Variants in CRLF1 observed in about 807,000 individuals in gnomAD.
The protein encoded by CRLF1 is cytokine receptor like factor 1, also known as cytokine receptor-like factor 1.
Under a neutral mutation model 48.9 loss-of-function variants are expected in CRLF1, and 36 were observed. The observed-to-expected ratio is 0.74, with a 90% confidence interval of 0.56 to 0.97. The LOEUF is 0.97. CRLF1 is among the 50% of genes least tolerant of loss of function. CRLF1 has a pLI of 0.00. For missense variants in CRLF1, 534 were observed against 575.1 expected (o/e 0.93, Z 0.73); for synonymous variants, 256 against 253.4 (o/e 1.01, Z -0.10).
chr19:18,594,032 T>TGGGGGGCG, intron 8 of CRLF1, 33 bp downstream of exon 8: 4 of 695,808 alleles, frequency 5.7e-6, no homozygotes, highest in Non-Finnish European at 2.2e-6. Context: ...CTCCCCTTGC[T>TGGGGGGCG]CCCTCCCGCC....
intron 8 of CRLF1, 153 bp downstream of exon 8, chr19:18,593,912 A>T (rs145390859): frequency 9.2e-6 from 9 of 974,742 alleles, no homozygotes; most frequent in Non-Finnish European, 1.1e-5. Flanking sequence ...AGTGCTAAGT[A>T]AATGCTGATG....
chr19:18,598,690 T>A, intron 3 of CRLF1, 82 bp downstream of exon 3: 3 of 1,613,652 alleles, frequency 1.9e-6, no homozygotes, highest in Non-Finnish European at 2.5e-6. Flanking sequence ...AGACAACACA[T>A]GGGGGCTCAG....
At chr19:18,597,144 T>C in intron 4 of CRLF1, 95 bp from the exon 5 acceptor site, 1 of 1,384,658 alleles carries the variant, frequency 7.2e-7, no homozygotes, top group Non-Finnish European at 9.8e-7. Context: ...AGATGGAACC[T>C]GCCTCTGTTT....
At chr19:18,597,813 T>C (rs1237000811) in intron 4 of CRLF1, among the ~76,000 whole-genome samples, 2 of 152,004 alleles carry the variant, frequency 1.3e-5, no homozygotes, top group Non-Finnish European at 2.9e-5. Context: ...ACTTTCCCAC[T>C]GTAGCGTTAG....
chr19:18,600,153 G>A (rs1299612735), intron 1 of CRLF1, among the ~76,000 whole-genome samples: 1 of 152,122 alleles, frequency 6.6e-6, no homozygotes, highest in Non-Finnish European at 1.5e-5. Flanking sequence ...AGGCTCATTC[G>A]GATCCAAGTG....
At chr19:18,604,035 C>A (rs1385722375) in intron 1 of CRLF1, among the ~76,000 whole-genome samples, 1 of 152,226 alleles carries the variant, frequency 6.6e-6, no homozygotes. Flanking sequence ...CTGGGCCCCC[C>A]CAACAGAGTG....
Position 18,593,517 on chromosome 19 carries a change from G to C in CRLF1, c.*49C>G, listed in dbSNP as rs776511583. ...ACAGAGGTGGCCCCAGTTTGGGTTC[G>C]GCCTCTGCGTCTCCACGTGGCAGGG... On this transcript the variant is annotated 3_prime_UTR_variant, in exon 9 of 9. Coordinates refer to ENST00000392386, the MANE Select transcript of CRLF1 (RefSeq NM_004750.5). The C allele has an allele frequency of 6.2e-7, 1 of 1,606,686 alleles. No homozygotes were observed. Among genetic ancestry groups the C allele is most frequent in the African/African-American group, 1.3e-5 (1 of 74,854 alleles).
chr19:18,605,023 C>A (rs190425300), intron 1 of CRLF1, among the ~76,000 whole-genome samples: 3 of 152,296 alleles, frequency 2.0e-5, no homozygotes, highest in Non-Finnish European at 4.4e-5. Context: ...AGACACTTTA[C>A]GACCCACCCG....
intron 1 of CRLF1, among the ~76,000 whole-genome samples, chr19:18,605,690 G>A (rs1976283313): frequency 6.6e-6 from 1 of 152,220 alleles, no homozygotes; most frequent in East Asian, 1.9e-4. Context: ...GTCCCAGAGC[G>A]GGTCTGCATA....
chr19:18,604,718 G>A (rs1207043244), intron 1 of CRLF1, among the ~76,000 whole-genome samples: 1 of 152,184 alleles, frequency 6.6e-6, no homozygotes, highest in Admixed American at 6.5e-5. Flanking sequence ...CGGAGTTGGT[G>A]GGGGCTTGGC....
intron 4 of CRLF1, among the ~76,000 whole-genome samples, chr19:18,598,070 C>T (rs547781745): frequency 2.0e-5 from 3 of 152,244 alleles, no homozygotes; most frequent in East Asian, 1.9e-4. Context: ...TCCTGCCTCC[C>T]GCCCTGCGCC....
chr19:18,600,488 C>T (rs771554515), intron 1 of CRLF1, among the ~76,000 whole-genome samples: 15 of 152,150 alleles, frequency 9.9e-5, no homozygotes, highest in Non-Finnish European at 2.1e-4. Flanking sequence ...CCTGCCTCAG[C>T]CTCCCAAGTA....
chr19:18,596,521 G>C, intron 6 of CRLF1, 101 bp downstream of exon 6: 1 of 1,394,198 alleles, frequency 7.2e-7, no homozygotes, highest in South Asian at 1.4e-5. Context: ...GAATGAGGCC[G>C]TGTCTCAAAA....
intron 1 of CRLF1, among the ~76,000 whole-genome samples, chr19:18,605,547 T>C (rs1976280772): frequency 6.6e-6 from 1 of 152,124 alleles, no homozygotes; most frequent in Admixed American, 6.5e-5. Flanking sequence ...ACCGTGAATG[T>C]GTGTGTCGGG....
chr19:18,599,353 A>C (rs1403503666), intron 2 of CRLF1, among the ~76,000 whole-genome samples: 1 of 151,908 alleles, frequency 6.6e-6, no homozygotes, highest in African/African-American at 2.4e-5. Flanking sequence ...TGATCCACCC[A>C]CCTCAGCCTC....
At chr19:18,602,612 T>A (rs954743499) in intron 1 of CRLF1, among the ~76,000 whole-genome samples, 6 of 151,604 alleles carry the variant, frequency 4.0e-5, no homozygotes, top group African/African-American at 1.5e-4. Flanking sequence ...TGAGACCCTG[T>A]CTCAAAAAAG....
In CRLF1 at chr19:18,606,246, T is replaced by G. The variant is rs1976293687; in HGVS notation, c.115+296A>C. 6.6e-6 allele frequency among the ~76,000 whole-genome samples: 1 copy of G among 151,652 alleles called. No homozygotes were observed. Among genetic ancestry groups the G allele is most frequent in the Non-Finnish European group, 1.5e-5 (1 of 67,806 alleles). ...GCAGACGCGTGCGCCCGCCACGTCC[T>G]GGCATGCAGAGGGTCTCAGGCCGCG... On this transcript the variant is annotated intron_variant, in intron 1 of 8. Coordinates refer to ENST00000392386, the MANE Select transcript of CRLF1 (RefSeq NM_004750.5). The surrounding 1 kb of genome is among the most constrained non-coding windows in gnomAD (Gnocchi z 4.8).
chr19:18,605,091 A>G (rs1239236421), intron 1 of CRLF1, among the ~76,000 whole-genome samples: 1 of 151,906 alleles, frequency 6.6e-6, no homozygotes, highest in East Asian at 1.9e-4. Flanking sequence ...GAGGTGTGAG[A>G]ATCTTTTATT....
At chr19:18,596,558 A>G in intron 6 of CRLF1, 64 bp downstream of exon 6, 1 of 1,564,446 alleles carries the variant, frequency 6.4e-7, no homozygotes, top group Non-Finnish European at 8.7e-7. Flanking sequence ...GAAAACAAGG[A>G]AACAGAGGCT....
Sources: gnomAD v4.1 joint callset for allele counts (sites outside exome capture counted in the v4.1 genomes callset) on GRCh38, gnomAD v4.1.1 for gene constraint, Gnocchi (gnomAD v3.1) non-coding constraint, MANE v1.5 for transcripts, NCBI Gene and HGNC (gene_info 2026-07-23, HGNC 2026-07-21) for gene names.